Variants in ALX1 observed in about 807,000 individuals in gnomAD.
ALX1 encodes ALX homeobox protein 1.
A neutral mutation model predicts 31.7 loss-of-function variants in ALX1; 19 were observed. That is an observed-to-expected ratio of 0.60 (90% CI 0.42 to 0.88). ALX1 has a LOEUF of 0.88. Ranked by LOEUF, ALX1 falls within the 40% of genes least tolerant of loss-of-function variation. ALX1 has a pLI of 0.00. For missense variants in ALX1, 415 were observed against 407.8 expected, an observed-to-expected ratio of 1.02 and a Z score of -0.15; for synonymous variants, 153 against 148.8, an observed-to-expected ratio of 1.03 and a Z score of -0.20.
chr12:85,281,123 T>C (rs1896667199), intron 1 of ALX1, among the ~76,000 whole-genome samples: 1 of 152,208 alleles, frequency 6.6e-6, no homozygotes. Flanking sequence ...TGAATGTTTG[T>C]TAAACACTAA....
chr12:85,301,360 C>A lies in ALX1; in HGVS notation c.866C>A (p.Ala289Glu). The A allele has an allele frequency of 6.2e-7, 1 of 1,614,022 alleles. No homozygotes were observed. Among genetic ancestry groups the A allele is most frequent in the East Asian group, 2.2e-5 (1 of 44,874 alleles). ...TTCACTGACTCTCTTCTTACTGGGGCAACCAATGGACATGCATTTGAAACA... is the reference window on the plus strand; with the variant it reads ...TTCACTGACTCTCTTCTTACTGGGGAAACCAATGGACATGCATTTGAAACA... ...NFFTDSLLTG[A>E]TNGHAFETKP... The change falls in exon 4 of 4, where the codon GCA becomes GAA. Residue 289 changes from alanine to glutamate, a missense_variant. Ala to Glu is a moderately radical substitution (Grantham distance 107, BLOSUM62 -1). Around this residue, in one of 3 missense-constraint regions of ALX1, gnomAD observed 174 missense variants for 177.5 expected, o/e 0.98. Coordinates refer to ENST00000316824, the MANE Select transcript of ALX1 (RefSeq NM_006982.3).
chr12:85,287,669 A>G (rs1896766804), intron 3 of ALX1, among the ~76,000 whole-genome samples: 1 of 151,346 alleles, frequency 6.6e-6, no homozygotes, highest in Non-Finnish European at 1.5e-5. Context: ...ATATAAGACT[A>G]TATATTTCTT....
intron 1 of ALX1, 102 bp downstream of exon 1, chr12:85,280,589 A>G: frequency 7.7e-7 from 1 of 1,294,382 alleles, no homozygotes; most frequent in South Asian, 1.2e-5. Flanking sequence ...GAAAAGTGGG[A>G]GCGAGGGACC....
At chr12:85,291,080 A>C (rs1157767446) in intron 3 of ALX1, among the ~76,000 whole-genome samples, 1 of 151,106 alleles carries the variant, frequency 6.6e-6, no homozygotes, top group African/African-American at 2.4e-5. Flanking sequence ...AAAATAATCA[A>C]TTTTCAATAA....
chr12:85,295,179 G>A (rs898610190), intron 3 of ALX1, among the ~76,000 whole-genome samples: 1 of 151,020 alleles, frequency 6.6e-6, no homozygotes, highest in African/African-American at 2.4e-5. Flanking sequence ...CTCAGTGTGT[G>A]TTAGTTACTG....
chr12:85,284,629 T>TA (rs1445184120), intron 2 of ALX1, among the ~76,000 whole-genome samples: 1 of 152,184 alleles, frequency 6.6e-6, no homozygotes, highest in African/African-American at 2.4e-5. Context: ...GCTTAATTTT[T>TA]AAAAATAATT....
chr12:85,299,488 A>G (rs1464792672), intron 3 of ALX1, among the ~76,000 whole-genome samples: 1 of 151,576 alleles, frequency 6.6e-6, no homozygotes, highest in African/African-American at 2.4e-5. Flanking sequence ...AGATATGGAT[A>G]TGTAGATTTC....
At position 85,292,521 on chromosome 12, in the gene ALX1, C is replaced by G. The variant is rs13378114; in HGVS notation, c.660+5540C>G. Among the ~76,000 whole-genome samples, 1,023 of 151,122 alleles carry G rather than the reference C, an allele frequency of 6.8e-3. 13 individuals are homozygous for G. Among genetic ancestry groups the G allele is most frequent in the African/African-American group, 0.023 (957 of 41,400 alleles). On this transcript the variant is annotated intron_variant, in intron 3 of 3. Coordinates refer to ENST00000316824, the MANE Select transcript of ALX1 (RefSeq NM_006982.3). ...TTGAGGACTTCATAAATATATGCCACTTAGAATTTGAACACGCCAAGAGGT... is the reference window on the plus strand; with the variant it reads ...TTGAGGACTTCATAAATATATGCCAGTTAGAATTTGAACACGCCAAGAGGT...
intron 3 of ALX1, 34 bp from the exon 4 acceptor site, chr12:85,301,121 G>T: frequency 6.2e-7 from 1 of 1,609,342 alleles, no homozygotes; most frequent in Non-Finnish European, 8.5e-7. Flanking sequence ...GTGAGAACAT[G>T]TAAATGTAAT....
At chr12:85,293,862 C>T (rs1896850682) in intron 3 of ALX1, among the ~76,000 whole-genome samples, 1 of 151,008 alleles carries the variant, frequency 6.6e-6, no homozygotes, top group Admixed American at 6.6e-5. Context: ...TAGTGTGAAC[C>T]TTATGATATA....
At chr12:85,300,401 T>G (rs1896947721) in intron 3 of ALX1, among the ~76,000 whole-genome samples, 2 of 152,208 alleles carry the variant, frequency 1.3e-5, no homozygotes, top group South Asian at 4.1e-4. Flanking sequence ...ACTCATCTGA[T>G]GTTTTTGCTA....
intron 3 of ALX1, among the ~76,000 whole-genome samples, chr12:85,295,113 C>T (rs921449120): frequency 6.6e-6 from 1 of 151,204 alleles, no homozygotes; most frequent in Non-Finnish European, 1.5e-5. Flanking sequence ...TCAGATTAAT[C>T]TTTTCATTGC....
chr12:85,301,063 G>C (rs1238500338), intron 3 of ALX1, 92 bp from the exon 4 acceptor site: 2 of 1,446,566 alleles, frequency 1.4e-6, no homozygotes, highest in Non-Finnish European at 1.9e-6. Context: ...ACAATGAATA[G>C]TTAACCAAAT....
chr12:85,296,404 G>A (rs1348952643), intron 3 of ALX1, among the ~76,000 whole-genome samples: 1 of 151,458 alleles, frequency 6.6e-6, no homozygotes, highest in Non-Finnish European at 1.5e-5. Flanking sequence ...TTAGGTTTCA[G>A]TTTGGAATAA....
At chr12:85,292,197 G>A (rs943582232) in intron 3 of ALX1, among the ~76,000 whole-genome samples, 4 of 150,898 alleles carry the variant, frequency 2.7e-5, no homozygotes, top group Non-Finnish European at 4.5e-5. Flanking sequence ...TCCAATCTCT[G>A]AGTAAATTTA....
At chr12:85,280,549 C>A (rs1226665805) in intron 1 of ALX1, 62 bp downstream of exon 1, 1 of 1,548,546 alleles carries the variant, frequency 6.5e-7, no homozygotes, top group Non-Finnish European at 8.8e-7. Context: ...AATGCAGGAT[C>A]GGTCTGATCA....
chr12:85,287,667 C>G, intron 3 of ALX1, among the ~76,000 whole-genome samples: 1 of 151,082 alleles, frequency 6.6e-6, no homozygotes, highest in Middle Eastern at 3.4e-3. Flanking sequence ...CAATATAAGA[C>G]TATATATTTC....
rs117483055 is a variant in ALX1, at chr12:85,291,786, C to T, written c.660+4805C>T. Among the ~76,000 whole-genome samples, 68 of 150,972 alleles carry T rather than the reference C, an allele frequency of 4.5e-4. 1 individual carries two copies. Among genetic ancestry groups the T allele is most frequent in the East Asian group, 3.9e-4 (2 of 5,150 alleles). ...TTATTGTGAAGACTAAATGGATTTC[C>T]GAAAAGGAAAGCCCTCTGTTTATAG... On this transcript the variant is annotated intron_variant, in intron 3 of 3. Transcript: ENST00000316824.
At chr12:85,289,911 A>T (rs1896796580) in intron 3 of ALX1, among the ~76,000 whole-genome samples, 1 of 151,142 alleles carries the variant, frequency 6.6e-6, no homozygotes, top group African/African-American at 2.4e-5. Context: ...GAGAAATAGA[A>T]ACAGAAGTAG....
Sources: allele counts gnomAD v4.1 joint callset (sites outside exome capture counted in the v4.1 genomes callset), GRCh38; gene constraint gnomAD v4.1.1; regional missense constraint gnomAD v4.1.1; transcripts MANE v1.5; gene names NCBI Gene and HGNC (gene_info 2026-07-23, HGNC 2026-07-21).